TREM1: variants seen among roughly 807,000 people sequenced by gnomAD.
TREM1 encodes triggering receptor expressed on monocytes 1.
TREM1 carries 16 observed loss-of-function variants against 22.4 expected under a neutral mutation model. The observed-to-expected ratio is 0.71, with a 90% CI of 0.48 to 1.08. The LOEUF (loss-of-function observed/expected upper bound fraction) is 1.08, where lower values mean the gene tolerates loss of function less well. Among genes scored for constraint, TREM1 ranks in the 50% least tolerant of loss-of-function variants. TREM1 has a pLI of 0.00. For missense variants in TREM1, 283 were observed against 282.9 expected (o/e 1.00, Z 0.00); for synonymous variants, 110 against 111.6 (o/e 0.99, Z 0.09).
At position 41,280,955 on chromosome 6, in the gene TREM1, C is replaced by A; in HGVS notation, c.599+6G>T. 1 of 1,614,200 alleles carries A rather than the reference C, an allele frequency of 6.2e-7. No homozygotes were observed. Among genetic ancestry groups the A allele is most frequent in the Non-Finnish European group, 8.5e-7 (1 of 1,180,044 alleles). On this transcript the variant is annotated splice_donor_region_variant and intron_variant, in intron 3 of 3. Transcript: ENST00000244709. ...AACCAGGGGCCCAGGGACCTGGAAA[C>A]TATACCTGATGATATCTGTCACATT...
At chr6:41,283,202 G>A (rs1224753558) in intron 1 of TREM1, among the ~76,000 whole-genome samples, 1 of 152,226 alleles carries the variant, frequency 6.6e-6, no homozygotes, top group African/African-American at 2.4e-5. Context: ...CTAAGTCAGG[G>A]CAAGGAGATC....
At position 41,282,476 on chromosome 6, in the gene TREM1, C is replaced by T; in HGVS notation, c.325G>A (p.Gly109Arg). Residue 109 changes from glycine (G) to arginine (R), a missense_variant, in exon 2 of 4, where the codon GGA becomes AGA. Coordinates refer to ENST00000244709, the MANE Select transcript of TREM1 (RefSeq NM_018643.5). The stretch of plus-strand genomic sequence containing the variant: ...TGGTAGATCACACACTGATACAGTC[C>T]AGAATCTTCCACTTGAAGGTTGACC... ...RMVNLQVEDSGLYQCVIYQPP... is the reference protein window; with the variant it reads ...RMVNLQVEDSRLYQCVIYQPP... The T allele has an allele frequency of 6.2e-7, 1 of 1,614,126 alleles. No homozygotes were observed. Among genetic ancestry groups the T allele is most frequent in the Non-Finnish European group, 8.5e-7 (1 of 1,180,024 alleles).
chr6:41,268,217 T>G, intron 3 of TREM1: 1 of 397,106 alleles, frequency 2.5e-6, no homozygotes, highest in Non-Finnish European at 4.4e-6. Context: ...GAACAATCTG[T>G]ACGGGATGCT....
At chr6:41,281,581 T>G (rs1767922393) in intron 2 of TREM1, 1 of 195,402 alleles carries the variant, frequency 5.1e-6, no homozygotes, top group Admixed American at 5.3e-5. Flanking sequence ...TATGGCATAT[T>G]GCTTTAAAAG....
At chr6:41,272,966 C>G (rs1435717025), downstream of TREM1, among the ~76,000 whole-genome samples, 1 of 152,146 alleles carries the variant, frequency 6.6e-6, no homozygotes, top group Non-Finnish European at 1.5e-5. Flanking sequence ...TCACCAGATG[C>G]AGAGTTCTGC....
intron 1 of TREM1, among the ~76,000 whole-genome samples, chr6:41,283,584 C>T (rs997308712): frequency 6.6e-6 from 1 of 152,096 alleles, no homozygotes; most frequent in African/African-American, 2.4e-5. Context: ...TGGTGGTGCA[C>T]ACCTGTAGTC....
chr6:41,279,429 A>T, intron 3 of TREM1: 5 of 716,654 alleles, frequency 7.0e-6, no homozygotes, highest in Non-Finnish European at 8.5e-6. Flanking sequence ...GACAGCTTAC[A>T]CTTAAGGCCC....
intron 1 of TREM1, 128 bp from the exon 2 acceptor site, chr6:41,282,879 TC>T: frequency 2.4e-6 from 2 of 836,214 alleles, no homozygotes; most frequent in Non-Finnish European, 3.8e-6. Flanking sequence ...TCTTGAGGCC[TC>T]CAGAGAAAAT....
At chr6:41,273,057 T>A (rs1033971341), downstream of TREM1, among the ~76,000 whole-genome samples, 34 of 152,182 alleles carry the variant, frequency 2.2e-4, no homozygotes, top group Non-Finnish European at 3.4e-4. Context: ...TGACTTGACC[T>A]AAGCCTGGCC....
At chr6:41,286,582 T>C in intron 1 of TREM1, 25 bp downstream of exon 1, 1 of 1,613,098 alleles carries the variant, frequency 6.2e-7, no homozygotes, top group Non-Finnish European at 8.5e-7. Flanking sequence ...ACGCCTCCCC[T>C]GCTCAGTCCT....
At chr6:41,273,168 C>A (rs1333963776), downstream of TREM1, among the ~76,000 whole-genome samples, 1 of 152,184 alleles carries the variant, frequency 6.6e-6, no homozygotes, top group Non-Finnish European at 1.5e-5. Context: ...GATTCAGAGT[C>A]TAGGAATAGC....
downstream of TREM1, among the ~76,000 whole-genome samples, chr6:41,273,116 T>G (rs1767530893): frequency 1.3e-5 from 2 of 152,194 alleles, no homozygotes; most frequent in African/African-American, 4.8e-5. Flanking sequence ...GAGGCTCAAA[T>G]GCAGGGCCAG....
At chr6:41,272,606 GC>G (rs1767514448), downstream of TREM1, among the ~76,000 whole-genome samples, 2 of 152,118 alleles carry the variant, frequency 1.3e-5, no homozygotes, top group Admixed American at 1.3e-4. Flanking sequence ...TTTAGCAACA[GC>G]TTAGGTGGTT....
chr6:41,286,640 G>C lies in TREM1; in HGVS notation c.16C>G (p.Leu6Val). MRKTR[L>V]WGLLWMLFVS... ...AAGAGCATCCACAGCAGCCCCCAGA[G>C]CCTGGTCTTCCTCATCCTTCCTGTG... Residue 6 changes from leucine (L) to valine (V), a missense_variant, in exon 1 of 4, where the codon CTC (leucine) becomes GTC (valine). By Grantham distance (32) the Leu-to-Val change is conservative. Transcript: ENST00000244709. The C allele has an allele frequency of 6.2e-7, 1 of 1,613,994 alleles. No homozygotes were observed. Among genetic ancestry groups the C allele is most frequent in the Non-Finnish European group, 8.5e-7 (1 of 1,179,970 alleles).
At chr6:41,278,885 TA>T (rs1315956028) in intron 3 of TREM1, among the ~76,000 whole-genome samples, 1 of 152,080 alleles carries the variant, frequency 6.6e-6, no homozygotes, top group African/African-American at 2.4e-5. Flanking sequence ...CACCAAGGTC[TA>T]GGGGCAAGAA....
intron 1 of TREM1, among the ~76,000 whole-genome samples, chr6:41,283,590 T>C (rs1161638093): frequency 1.3e-5 from 2 of 152,100 alleles, no homozygotes; most frequent in Non-Finnish European, 2.9e-5. Context: ...TGCACACCTG[T>C]AGTCCCAGAT....
Position 41,274,761 on chromosome 6 carries a change from T to C in TREM1, c.*1364A>G, listed in dbSNP as rs764710836. 2.8e-4 allele frequency among the ~76,000 whole-genome samples: 42 copies of C among 152,154 alleles called. No individual in the cohort carries two copies. The highest frequency in any genetic ancestry group is 5.1e-4 in the Non-Finnish European group (35 of 68,008). ...ATTTAGGGGAATGGGGAAGTCCTTA[T>C]GCGATGGAGCAGTCTGGAAGCTGGA... On this transcript the variant is annotated 3_prime_UTR_variant, in exon 4 of 4. Coordinates refer to ENST00000244709, the MANE Select transcript of TREM1 (RefSeq NM_018643.5).
In TREM1 at chr6:41,281,022, T is replaced by C; in HGVS notation, c.538A>G (p.Thr180Ala). The change falls in exon 3 of 4, where the codon ACT becomes GCT. Residue 180 changes from threonine (T) to alanine (A), a missense_variant. By Grantham distance (58) the Thr-to-Ala change is moderately conservative. Coordinates refer to ENST00000244709, the MANE Select transcript of TREM1 (RefSeq NM_018643.5). ...RTVTQAPPKS[T>A]ADVSTPDSEI... ...GAGTCAGGAGTGGAGACATCGGCAG[T>C]TGACTTGGGTGGAGCTTGGGTCACA... 5.0e-6 allele frequency: 8 copies of C among 1,614,220 alleles called. No individual in the cohort carries two copies. The highest frequency in any genetic ancestry group is 1.3e-5 in the African/African-American group (1 of 75,066).
chr6:41,272,899 A>G (rs1767523203), downstream of TREM1, among the ~76,000 whole-genome samples: 1 of 151,668 alleles, frequency 6.6e-6, no homozygotes, highest in Non-Finnish European at 1.5e-5. Context: ...TCATCTTTTG[A>G]CTCTCCAGTA....
Sources: allele counts gnomAD v4.1 joint callset (sites outside exome capture counted in the v4.1 genomes callset), GRCh38; gene constraint gnomAD v4.1.1; transcripts MANE v1.5; gene names NCBI Gene and HGNC (gene_info 2026-07-23, HGNC 2026-07-21).